CEP41: variants seen among roughly 807,000 people sequenced by gnomAD.
CEP41 encodes centrosomal protein of 41 kDa.
In CEP41, 32 loss-of-function variants were observed where a neutral mutation model predicts 44.3. The ratio of observed to expected loss-of-function variants is 0.72; its 90% CI spans 0.54 to 0.97. The LOEUF is 0.97. Ranked by LOEUF, CEP41 falls within the 50% of genes least tolerant of loss-of-function variation. The probability of loss-of-function intolerance (pLI) is 0.00; values close to 1 mark genes in which losing one functional copy is unlikely to be tolerated. For synonymous variants in CEP41, 151 were observed against 168.5 expected, an observed-to-expected ratio of 0.90 and a Z score of 0.80; for missense variants, 432 against 455.2, an observed-to-expected ratio of 0.95 and a Z score of 0.46.
At chr7:130,417,680 A>G (rs190199523) in intron 2 of CEP41, among the ~76,000 whole-genome samples, 89 of 152,342 alleles carry the variant, frequency 5.8e-4, no homozygotes, top group African/African-American at 2.1e-3. Context: ...CTGGTTTCCA[A>G]CTCAATTCTA....
At chr7:130,440,219 C>A (rs1294503639) in intron 1 of CEP41, among the ~76,000 whole-genome samples, 4 of 152,126 alleles carry the variant, frequency 2.6e-5, no homozygotes, top group African/African-American at 9.7e-5. Flanking sequence ...CGGGGTTTCG[C>A]CATGTTGGCC....
At chr7:130,439,542 C>T (rs1257825754) in intron 1 of CEP41, among the ~76,000 whole-genome samples, 2 of 152,152 alleles carry the variant, frequency 1.3e-5, no homozygotes, top group South Asian at 4.2e-4. Flanking sequence ...TCCCCCCACC[C>T]TCCAGGCTCT....
intron 2 of CEP41, chr7:130,419,674 T>C (rs1554421692): frequency 2.0e-6 from 2 of 985,218 alleles, no homozygotes; most frequent in African/African-American, 3.5e-5. Flanking sequence ...TGGCTCCCCA[T>C]TGCTTCCTAA....
At chr7:130,432,588 CAAAAAAAAAA>C (rs56874452) in intron 1 of CEP41, among the ~76,000 whole-genome samples, 1 of 59,946 alleles carries the variant, frequency 1.7e-5, no homozygotes, top group Non-Finnish European at 3.2e-5. Flanking sequence ...TTTGTTTCCA[CAAAAAAAAAA>C]AAAAAAAAAA....
At chr7:130,441,374 C>T (rs180770134), upstream of CEP41, 21 of 374,784 alleles carry the variant, frequency 5.6e-5, no homozygotes, top group African/African-American at 3.8e-4. Flanking sequence ...CAAGACTCCC[C>T]ATCCCCCAGC....
intron 2 of CEP41, chr7:130,421,023 T>C (rs1396335800): frequency 6.1e-6 from 6 of 977,934 alleles, no homozygotes; most frequent in Non-Finnish European, 7.3e-6. Context: ...ATGTATAAGG[T>C]AGCATTTAGC....
chr7:130,440,660 G>A, intron 1 of CEP41: 2 of 592,196 alleles, frequency 3.4e-6, no homozygotes, highest in Non-Finnish European at 6.0e-6. Flanking sequence ...AGCCATTTGA[G>A]GGCAAGGGCT....
chr7:130,441,505 T>A (rs1798169171), upstream of CEP41, among the ~76,000 whole-genome samples: 1 of 152,236 alleles, frequency 6.6e-6, no homozygotes. Context: ...TCTGGTTAAG[T>A]TAATATGCGA....
At chr7:130,419,415 T>C (rs1246347854) in intron 2 of CEP41, 1 of 985,404 alleles carries the variant, frequency 1.0e-6, no homozygotes, top group Non-Finnish European at 1.2e-6. Context: ...TGCTTACATC[T>C]TAACTATGCA....
chr7:130,436,042 T>C (rs1797951512), intron 1 of CEP41, among the ~76,000 whole-genome samples: 1 of 152,164 alleles, frequency 6.6e-6, no homozygotes, highest in Admixed American at 6.5e-5. Flanking sequence ...TAATCCCAGC[T>C]ACTCAGGAGG....
Position 130,397,940 on chromosome 7 carries a change from T to C in CEP41, c.*951A>G. ...TAATACTGTATTTCTAAGCAAGGGC[T>C]TACGAGGTTGTCAGCCCTGACAAAG... On this transcript the variant is annotated 3_prime_UTR_variant, in exon 11 of 11. Transcript: ENST00000223208. 2 of 454,558 alleles carry C rather than the reference T, an allele frequency of 4.4e-6. No homozygotes were observed. The highest frequency in any genetic ancestry group is 8.8e-6 in the Non-Finnish European group (2 of 226,790). 28.2% of individuals were successfully genotyped at this position (454,558 alleles called of 1,614,324 possible).
chr7:130,398,931 G>A lies in CEP41; in HGVS notation c.1082C>T (p.Ser361Phe), dbSNP rs2117545897. The change falls in exon 11 of 11, where the codon TCC becomes TTC. Residue 361 changes from serine to phenylalanine, a missense_variant. Physicochemically the swap from Ser to Phe is radical, Grantham distance 155 (BLOSUM62 -2). Transcript: ENST00000223208. ...GCCTTGCAGGTGACCACTGCTGAGG[G>A]AGCGGGGGTTTGAGTGGCTGGCGGG... ...GGPASHSNPR[S>F]LSSGHLQGKP... The A allele has an allele frequency of 1.2e-6, 2 of 1,614,244 alleles. No homozygotes were observed. The highest frequency in any genetic ancestry group is 4.5e-5 in the East Asian group (2 of 44,894).
intron 1 of CEP41, among the ~76,000 whole-genome samples, chr7:130,436,006 T>A (rs1554426049): frequency 1.3e-5 from 2 of 152,050 alleles, no homozygotes; most frequent in African/African-American, 4.8e-5. Flanking sequence ...TACAAAAAAT[T>A]GGCCGGGCAC....
At chr7:130,428,104 G>GA (rs1200023211) in intron 1 of CEP41, 86 bp from the exon 2 acceptor site, 7 of 921,126 alleles carry the variant, frequency 7.6e-6, no homozygotes, top group Admixed American at 7.4e-5. Context: ...TTTAAAAATG[G>GA]AAAAAAAGTG....
In CEP41 at chr7:130,394,544, C is replaced by T. The variant is rs1796606436; in HGVS notation, c.*4347G>A. 1 of 454,070 alleles carries T rather than the reference C, an allele frequency of 2.2e-6. No homozygotes were observed. The highest frequency in any genetic ancestry group is 4.4e-6 in the Non-Finnish European group (1 of 226,776). 28.1% of individuals were successfully genotyped at this position (454,070 alleles called of 1,614,324 possible). A position where few individuals can be genotyped will look rare whatever the true frequency, so the allele number is the denominator to read the frequency against. ...GAGGATACTTTAAGCCTGGCAGAGA[C>T]AGGGTAATAACACCCCCAGCAGCTC... On this transcript the variant is annotated 3_prime_UTR_variant, in exon 11 of 11. Transcript: ENST00000223208.
chr7:130,440,741 A>G (rs1452829755), intron 1 of CEP41, 193 bp downstream of exon 1: 1 of 651,986 alleles, frequency 1.5e-6, no homozygotes, highest in Non-Finnish European at 2.7e-6. Flanking sequence ...ATCGCTCCTC[A>G]AAACGGGGTC....
In CEP41 at chr7:130,397,719, T is replaced by C. The variant is rs782658532; in HGVS notation, c.*1172A>G. On this transcript the variant is annotated 3_prime_UTR_variant, in exon 11 of 11. Coordinates refer to ENST00000223208, the MANE Select transcript of CEP41 (RefSeq NM_018718.3). ...TTAACACCGCTCTTTTCCATCTGAT[T>C]TCAGAGTTCCTCATCCTTACCTGAG... 1.3e-5 allele frequency: 6 copies of C among 454,136 alleles called. No homozygotes were observed. The highest frequency in any genetic ancestry group is 6.8e-4 in the Middle Eastern group (1 of 1,464). 28.1% of individuals were successfully genotyped at this position (454,136 alleles called of 1,614,324 possible).
intron 2 of CEP41, chr7:130,426,790 G>T: frequency 8.0e-6 from 3 of 375,014 alleles, no homozygotes; most frequent in South Asian, 5.8e-5. Context: ...CTTGGCACCA[G>T]ATCTCCAATA....
chr7:130,405,433 G>A (rs1554418025), intron 5 of CEP41, among the ~76,000 whole-genome samples: 1 of 152,162 alleles, frequency 6.6e-6, no homozygotes, highest in East Asian at 1.9e-4. Context: ...GAACACTACT[G>A]ATGGCATTGT....
Sources: gnomAD v4.1 joint callset for allele counts (sites outside exome capture counted in the v4.1 genomes callset) on GRCh38, gnomAD v4.1.1 for gene constraint, MANE v1.5 for transcripts, NCBI Gene and HGNC (gene_info 2026-07-23, HGNC 2026-07-21) for gene names.